Variants in DHX57 observed in about 807,000 individuals in gnomAD.
DHX57 encodes the protein DExH-box helicase 57.
DHX57 carries 105 observed loss-of-function variants against 156.2 expected under a neutral mutation model. The ratio of observed to expected loss-of-function variants is 0.67; its 90% CI spans 0.57 to 0.79. The LOEUF (loss-of-function observed/expected upper bound fraction) is 0.79, where lower values mean the gene tolerates loss of function less well. Among genes scored for constraint, DHX57 ranks in the 30% least tolerant of loss-of-function variants. DHX57 has a pLI of 0.00. For missense variants in DHX57, 1,847 were observed against 1,661.9 expected (o/e 1.11, Z -1.94); for synonymous variants, 704 against 595.6 (o/e 1.18, Z -2.65).
Position 38,828,367 on chromosome 2 carries a change from G to T in DHX57, c.2612C>A (p.Ser871Tyr), listed in dbSNP as rs771694437. 10 of 1,613,312 alleles carry T rather than the reference G, an allele frequency of 6.2e-6. No homozygotes were observed. The highest frequency in any genetic ancestry group is 1.1e-5 in the South Asian group (1 of 90,968). The change falls in exon 14 of 24, where the codon TCT becomes TAT. Residue 871 changes from serine (S) to tyrosine (Y), a missense_variant. Ser to Tyr is a moderately radical substitution (Grantham distance 144). Coordinates refer to ENST00000457308, the MANE Select transcript of DHX57 (RefSeq NM_198963.3). ...KMLYEQLQSN[S>Y]LFNNRRSNRC... is the part of the protein sequence containing the mutation. ...ATTACTACGTCTGTTGTTGAAAAGA[G>T]AATTAGACTGTAGCTGTTCATAAAG...
At chr2:38,833,917 A>G (rs922012430) in intron 13 of DHX57, among the ~76,000 whole-genome samples, 4 of 152,250 alleles carry the variant, frequency 2.6e-5, no homozygotes, top group African/African-American at 9.6e-5. Flanking sequence ...TATTTATATC[A>G]TAAAATACAC....
In DHX57 at chr2:38,815,670, A is replaced by G; in HGVS notation, c.3472-15T>C. Reference sequence around the variant, plus strand: ...CTGGCCATTTCCTGAAAGAAGTGGAAAAACCTTTAAGCAAGGGCATCAGCA... The same window carrying G: ...CTGGCCATTTCCTGAAAGAAGTGGAGAAACCTTTAAGCAAGGGCATCAGCA... On this transcript the variant is annotated splice_polypyrimidine_tract_variant and intron_variant, in intron 19 of 23. Transcript: ENST00000457308. The G allele has an allele frequency of 6.2e-7, 1 of 1,614,138 alleles. No individual in the cohort carries two copies. The highest frequency in any genetic ancestry group is 8.5e-7 in the Non-Finnish European group (1 of 1,180,018).
At chr2:38,814,941 C>T (rs1360650780) in intron 20 of DHX57, among the ~76,000 whole-genome samples, 2 of 152,100 alleles carry the variant, frequency 1.3e-5, no homozygotes, top group Non-Finnish European at 2.9e-5. Context: ...AGGCTGGTCT[C>T]GAGCTCCTGA....
intron 21 of DHX57, chr2:38,811,707 C>T (rs947860473): frequency 3.0e-5 from 23 of 778,446 alleles, no homozygotes; most frequent in Non-Finnish European, 3.3e-5. Context: ...GTCTTCATGG[C>T]TCAGTGAACC....
At chr2:38,861,894 C>T in intron 4 of DHX57, 57 bp from the exon 5 acceptor site, 2 of 1,482,958 alleles carry the variant, frequency 1.3e-6, no homozygotes, top group South Asian at 1.3e-5. Context: ...CACACCATTA[C>T]AGTAAAATTC....
At chr2:38,842,548 C>T (rs549045471) in intron 12 of DHX57, among the ~76,000 whole-genome samples, 8 of 152,090 alleles carry the variant, frequency 5.3e-5, no homozygotes, top group African/African-American at 9.6e-5. Context: ...ATATCTGTAA[C>T]TTACTCTCAG....
intron 22 of DHX57, among the ~76,000 whole-genome samples, chr2:38,805,435 G>GT (rs530125466): frequency 3.4e-3 from 521 of 152,322 alleles, no homozygotes; most frequent in Non-Finnish European, 5.4e-3. Context: ...TCTAATTGAT[G>GT]TTTTGTAAAG....
intron 10 of DHX57, 49 bp from the exon 11 acceptor site, chr2:38,847,122 C>A (rs1672330152): frequency 7.0e-7 from 1 of 1,433,750 alleles, no homozygotes; most frequent in African/African-American, 1.4e-5. Context: ...ACCCATTCAA[C>A]CATCTTGAAA....
intron 11 of DHX57, among the ~76,000 whole-genome samples, chr2:38,846,284 T>C (rs1672284673): frequency 6.6e-6 from 1 of 152,106 alleles, no homozygotes; most frequent in South Asian, 2.1e-4. Context: ...ATAAATTCAT[T>C]AAAACTAAAG....
At chr2:38,853,952 A>T in intron 9 of DHX57, 102 bp downstream of exon 9, 1 of 1,201,606 alleles carries the variant, frequency 8.3e-7, no homozygotes, top group East Asian at 2.5e-5. Context: ...GCAAATTACC[A>T]TTACTAGCTG....
intron 13 of DHX57, among the ~76,000 whole-genome samples, chr2:38,836,217 C>G (rs1375724875): frequency 6.6e-6 from 1 of 152,084 alleles, no homozygotes; most frequent in East Asian, 1.9e-4. Context: ...CAAAGTCAGA[C>G]AGAAATTACA....
At chr2:38,806,397 A>T (rs1669936681) in intron 22 of DHX57, 162 bp downstream of exon 22, 2 of 755,576 alleles carry the variant, frequency 2.6e-6, no homozygotes, top group Non-Finnish European at 4.0e-6. Context: ...TCTTTCCAGA[A>T]ATAGTCCAAT....
At chr2:38,823,409 T>A (rs1054940899) in intron 16 of DHX57, 140 bp from the exon 17 acceptor site, 10 of 871,826 alleles carry the variant, frequency 1.1e-5, no homozygotes, top group Non-Finnish European at 1.7e-5. Context: ...CTTCTACCAA[T>A]AAACCACAAA....
At chr2:38,828,243 T>G (rs780966022) in intron 14 of DHX57, 97 bp downstream of exon 14, 49 of 828,824 alleles carry the variant, frequency 5.9e-5, no homozygotes, top group Non-Finnish European at 8.7e-5. Flanking sequence ...AAATGTATGC[T>G]CGAAGACTGG....
At chr2:38,803,385 A>G (rs1001587559) in intron 22 of DHX57, among the ~76,000 whole-genome samples, 3 of 149,950 alleles carry the variant, frequency 2.0e-5, no homozygotes, top group South Asian at 2.1e-4. Flanking sequence ...ATCATTGACT[A>G]TTTTTTTCCC....
chr2:38,850,141 T>A (rs1309913988), intron 9 of DHX57, among the ~76,000 whole-genome samples: 1 of 152,152 alleles, frequency 6.6e-6, no homozygotes, highest in African/African-American at 2.4e-5. Context: ...GAAAAAAAGG[T>A]CAGAAAACAA....
intron 11 of DHX57, among the ~76,000 whole-genome samples, chr2:38,843,757 G>C (rs1672130433): frequency 6.6e-6 from 1 of 152,160 alleles, no homozygotes; most frequent in South Asian, 2.1e-4. Flanking sequence ...AAAAGCTCTG[G>C]ATTTGAGTTC....
At position 38,855,191 on chromosome 2, in the gene DHX57, C is replaced by G. The variant is rs1352048148; in HGVS notation, c.1771G>C (p.Glu591Gln). The G allele has an allele frequency of 1.2e-6, 2 of 1,614,046 alleles. No homozygotes were observed. Among genetic ancestry groups the G allele is most frequent in the African/African-American group, 2.7e-5 (2 of 74,912 alleles). ...GTACAGATGATGTTGGCTACCTTCT[C>G]AGGTGGTCCATTCAGAGAATCATCC... Reference protein sequence around the residue: ...ILDDSLNGPPEKVANIICTQP... With the variant: ...ILDDSLNGPPQKVANIICTQP... Residue 591 changes from glutamate (E) to glutamine (Q), a missense_variant, in exon 8 of 24, where the codon GAG becomes CAG. Coordinates refer to ENST00000457308, the MANE Select transcript of DHX57 (RefSeq NM_198963.3).
chr2:38,838,062 G>A (rs963176322), intron 12 of DHX57, 115 bp from the exon 13 acceptor site: 1 of 701,146 alleles, frequency 1.4e-6, no homozygotes, highest in Non-Finnish European at 2.5e-6. Context: ...TGGTTTAATA[G>A]CACAGATATT....
Sources: gnomAD v4.1 joint callset for allele counts (sites outside exome capture counted in the v4.1 genomes callset) on GRCh38, gnomAD v4.1.1 for gene constraint, MANE v1.5 for transcripts, NCBI Gene and HGNC (gene_info 2026-07-23, HGNC 2026-07-21) for gene names.